Variants in SCYL2 observed in about 807,000 individuals in gnomAD.
SCYL2 encodes SCY1 like pseudokinase 2.
Under a neutral mutation model 100.4 loss-of-function variants are expected in SCYL2, and 36 were observed. The observed-to-expected ratio is 0.36, with a 90% CI of 0.27 to 0.47. The LOEUF is 0.47. Ranked by LOEUF, SCYL2 falls within the 20% of genes least tolerant of loss-of-function variation. The pLI, the probability that SCYL2 is intolerant of heterozygous loss-of-function variation, is 1.00. For missense variants in SCYL2, 902 were observed against 1,083.9 expected (o/e 0.83, Z 2.36); for synonymous variants, 330 against 359.2 (o/e 0.92, Z 0.92).
intron 8 of SCYL2, among the ~76,000 whole-genome samples, chr12:100,315,160 G>A (rs1180193996): frequency 6.6e-6 from 1 of 152,146 alleles, no homozygotes; most frequent in Non-Finnish European, 1.5e-5. Context: ...ATAAAATACT[G>A]TCCCTGCTCT....
intron 12 of SCYL2, 41 bp downstream of exon 12, chr12:100,326,795 G>A: frequency 1.3e-6 from 2 of 1,568,010 alleles, no homozygotes; most frequent in Non-Finnish European, 1.7e-6. Flanking sequence ...ATTTTATCAT[G>A]CAAATAAATT....
chr12:100,278,047 C>T (rs991561530), intron 1 of SCYL2, among the ~76,000 whole-genome samples: 6 of 152,040 alleles, frequency 3.9e-5, no homozygotes, highest in Non-Finnish European at 8.8e-5. Context: ...ACAGTTTCTT[C>T]TGCATATATT....
rs370007494 is a variant in SCYL2, at chr12:100,338,550, T to G, written c.2168T>G (p.Leu723Arg). 7.5e-6 allele frequency: 12 copies of G among 1,610,096 alleles called. No individual in the cohort carries two copies. In the African/African-American group the frequency reaches 1.3e-4, roughly 18 times the overall value. ...VKQTKDLTDT[L>R]MDNMSSLTSL... ...CAGACTAAGGACTTGACAGACACACTGATGGATAATATGTCATCCTTGACC... is the reference window on the plus strand; with the variant it reads ...CAGACTAAGGACTTGACAGACACACGGATGGATAATATGTCATCCTTGACC... Residue 723 changes from leucine (L) to arginine (R), a missense_variant, in exon 18 of 18, where the codon CTG (leucine) becomes CGG (arginine). Coordinates refer to ENST00000360820, the MANE Select transcript of SCYL2 (RefSeq NM_017988.6).
At chr12:100,301,869 G>A (rs935975213) in intron 4 of SCYL2, among the ~76,000 whole-genome samples, 1 of 152,188 alleles carries the variant, frequency 6.6e-6, no homozygotes, top group Admixed American at 6.5e-5. Flanking sequence ...AGCTGGGAAT[G>A]TGCTGGGTCA....
At chr12:100,322,138 C>A (rs375877995) in intron 10 of SCYL2, among the ~76,000 whole-genome samples, 1 of 150,650 alleles carries the variant, frequency 6.6e-6, no homozygotes, top group Non-Finnish European at 1.5e-5. Context: ...TTTGGGAGGC[C>A]GAGGCGGGCA....
At chr12:100,320,740 A>G (rs1258035489) in intron 10 of SCYL2, among the ~76,000 whole-genome samples, 1 of 151,942 alleles carries the variant, frequency 6.6e-6, no homozygotes, top group East Asian at 1.9e-4. Flanking sequence ...CTTTTTAATA[A>G]TACAGGTGTT....
chr12:100,334,193 G>T lies in SCYL2; in HGVS notation c.1789G>T (p.Glu597Ter). ...CAATTCTTTCATTTCCGTCATAAAA[G>T]AAATGCTTAATAGATTGGAGTCTGA... ...QFNSFISVIK[E>*]MLNRLESEHK... The change falls in exon 14 of 18, where the codon GAA (glutamate) becomes TAA (stop). Residue 597 changes from glutamate to a stop codon, truncating the protein, a stop_gained. Transcript: ENST00000360820. LOFTEE classifies it high-confidence loss of function. The T allele has an allele frequency of 6.2e-7, 1 of 1,602,562 alleles. No homozygotes were observed. Among genetic ancestry groups the T allele is most frequent in the Non-Finnish European group, 8.5e-7 (1 of 1,172,916 alleles).
chr12:100,309,171 G>A (rs897015373), intron 4 of SCYL2, among the ~76,000 whole-genome samples: 4 of 151,814 alleles, frequency 2.6e-5, no homozygotes, highest in Non-Finnish European at 5.9e-5. Flanking sequence ...AAAATTTGGT[G>A]TTCCTGCGCA....
At position 100,334,184 on chromosome 12, in the gene SCYL2, G is replaced by A. The variant is rs138760313; in HGVS notation, c.1780G>A (p.Val594Ile). ...NLNQFNSFIS[V>I]IKEMLNRLES... The stretch of plus-strand genomic sequence containing the variant: ...ATACCAGTTCAATTCTTTCATTTCC[G>A]TCATAAAAGAAATGCTTAATAGATT... Residue 594 changes from valine to isoleucine, a missense_variant, in exon 14 of 18, where the codon GTC becomes ATC. Transcript: ENST00000360820. The A allele has an allele frequency of 2.3e-5, 36 of 1,596,318 alleles. No individual in the cohort carries two copies. The highest frequency in any genetic ancestry group is 2.9e-5 in the Non-Finnish European group (34 of 1,167,834).
At chr12:100,334,141 C>A (rs1398862547) in intron 13 of SCYL2, 25 bp from the exon 14 acceptor site, 2 of 1,271,724 alleles carry the variant, frequency 1.6e-6, no homozygotes, top group Non-Finnish European at 2.3e-6. Flanking sequence ...AACATTGTAA[C>A]CATATCAATT....
intron 12 of SCYL2, among the ~76,000 whole-genome samples, chr12:100,327,003 A>G (rs1952138944): frequency 6.6e-6 from 1 of 152,168 alleles, no homozygotes; most frequent in Admixed American, 6.5e-5. Flanking sequence ...TTTTCCCCAT[A>G]AAATGGTACA....
chr12:100,313,318 T>A, intron 6 of SCYL2, 104 bp from the exon 7 acceptor site: 1 of 532,564 alleles, frequency 1.9e-6, no homozygotes, highest in South Asian at 3.0e-5. Flanking sequence ...ATGTAGTCAG[T>A]ATATTTGTAG....
intron 9 of SCYL2, 199 bp from the exon 10 acceptor site, chr12:100,317,604 C>A: frequency 8.1e-7 from 1 of 1,239,184 alleles, no homozygotes; most frequent in Non-Finnish European, 1.1e-6. Flanking sequence ...CATTTAAACT[C>A]AGAGCAGATG....
chr12:100,286,434 T>G (rs2096304520), intron 2 of SCYL2, among the ~76,000 whole-genome samples: 1 of 152,148 alleles, frequency 6.6e-6, no homozygotes, highest in South Asian at 2.1e-4. Flanking sequence ...TATTATGACT[T>G]TTTATATTTG....
intron 12 of SCYL2, 77 bp downstream of exon 12, chr12:100,326,831 CTCCTT>C: frequency 8.1e-7 from 1 of 1,227,378 alleles, no homozygotes; most frequent in Non-Finnish European, 1.1e-6. Flanking sequence ...CAATTATACT[CTCCTT>C]TCGTGTATAT....
intron 10 of SCYL2, among the ~76,000 whole-genome samples, chr12:100,320,639 G>A (rs897757455): frequency 2.2e-4 from 33 of 152,082 alleles, no homozygotes; most frequent in Admixed American, 2.0e-4. Context: ...CTCTCCCTAT[G>A]TTAGCTAAGT....
rs924847770 is a variant in SCYL2, at chr12:100,329,406, A to G, written c.1761+87A>G. On this transcript the variant is annotated intron_variant, in intron 13 of 17. Transcript: ENST00000360820. ...TATAAATATATTACAAAGATTGGTT[A>G]AAAAAAAAAGGGTGAGGGGAGAATA... is the stretch of plus-strand genomic sequence containing the variant. The G allele has an allele frequency of 1.1e-5, 4 of 364,094 alleles. No homozygotes were observed. In the Admixed American group the frequency reaches 1.1e-4, roughly 10 times the overall value. 22.6% of individuals were successfully genotyped at this position (364,094 alleles called of 1,614,324 possible). A position where few individuals can be genotyped will look rare whatever the true frequency, so the allele number is the denominator to read the frequency against.
chr12:100,303,026 C>A (rs1055564294), intron 4 of SCYL2, among the ~76,000 whole-genome samples: 6 of 152,058 alleles, frequency 3.9e-5, no homozygotes, highest in Non-Finnish European at 2.9e-5. Flanking sequence ...GATATCCTTT[C>A]TTCCGCTTGA....
intron 7 of SCYL2, 48 bp downstream of exon 7, chr12:100,313,586 T>A: frequency 2.0e-6 from 2 of 979,622 alleles, no homozygotes. Flanking sequence ...AAAAAATGAG[T>A]TGAAGTAGAT....
Sources: allele counts gnomAD v4.1 joint callset (sites outside exome capture counted in the v4.1 genomes callset), GRCh38; gene constraint gnomAD v4.1.1; transcripts MANE v1.5; gene names NCBI Gene and HGNC (gene_info 2026-07-23, HGNC 2026-07-21).